Variants in AK9 observed in about 807,000 individuals in gnomAD.
The protein encoded by AK9 is adenylate kinase domain containing 1.
A neutral mutation model predicts 239.6 loss-of-function variants in AK9; 191 were observed. The ratio of observed to expected loss-of-function variants is 0.80; its 90% confidence interval spans 0.71 to 0.90. The LOEUF is 0.90. AK9 is among the 40% of genes least tolerant of loss of function. AK9 has a pLI of 0.00. For synonymous variants in AK9, 689 were observed against 721.0 expected (o/e 0.96, Z 0.71); for missense variants, 1,995 against 2,214.7 (o/e 0.90, Z 1.99).
At chr6:109,674,657 T>C (rs1306815682) in intron 2 of AK9, among the ~76,000 whole-genome samples, 2 of 152,218 alleles carry the variant, frequency 1.3e-5, no homozygotes, top group African/African-American at 4.8e-5. Context: ...TTCCATTTAG[T>C]AATTTTGATG....
rs1249711862 is a variant in AK9 at position 109,632,945 on chromosome 6, A to G, written c.1232T>C (p.Leu411Pro). 5 of 1,613,344 alleles carry G rather than the reference A, an allele frequency of 3.1e-6. No individual in the cohort carries two copies. The highest frequency in any genetic ancestry group is 3.4e-6 in the Non-Finnish European group (4 of 1,179,830). Residue 411 changes from leucine (L) to proline (P), a missense_variant, in exon 12 of 41, where the codon CTT becomes CCT. Leu to Pro is a moderately conservative substitution (Grantham distance 98). Coordinates refer to ENST00000424296, the MANE Select transcript of AK9 (RefSeq NM_001145128.3). ...CACCTTTCCTTTGTAATTTTCTGCA[A>G]GCATATTGCAAAGTGTTGTTTTCCC... ...YSGKTTLCNM[L>P]AENYKGKVVD...
intron 8 of AK9, among the ~76,000 whole-genome samples, chr6:109,645,607 G>A (rs1234552535): frequency 7.1e-6 from 1 of 141,480 alleles, no homozygotes; most frequent in East Asian, 2.2e-4. Context: ...GCCTGCCTCT[G>A]TAGACTCCAC....
chr6:109,628,507 G>T (rs115776268), intron 12 of AK9, among the ~76,000 whole-genome samples: 2 of 152,108 alleles, frequency 1.3e-5, no homozygotes, highest in Admixed American at 6.5e-5. Flanking sequence ...TTCTCTTCCC[G>T]CAGGGATCAC....
intron 17 of AK9, among the ~76,000 whole-genome samples, chr6:109,591,975 T>G (rs1193999878): frequency 1.3e-5 from 2 of 152,106 alleles, no homozygotes; most frequent in Non-Finnish European, 2.9e-5. Flanking sequence ...TAAAAACTGG[T>G]CTTGGAGTTA....
chr6:109,495,169 C>T (rs1776906928), intron 39 of AK9, among the ~76,000 whole-genome samples, 169 bp downstream of exon 39: 1 of 151,794 alleles, frequency 6.6e-6, no homozygotes, highest in African/African-American at 2.4e-5. Context: ...GATTTTCACA[C>T]ATTTTATTTT....
At chr6:109,656,604 G>T in intron 8 of AK9, 152 bp downstream of exon 8, 1 of 776,394 alleles carries the variant, frequency 1.3e-6, no homozygotes, top group Non-Finnish European at 2.0e-6. Context: ...CAGTCTTTGG[G>T]ATGGAGGCCT....
chr6:109,623,892 C>G (rs1795169585), intron 12 of AK9, among the ~76,000 whole-genome samples: 1 of 147,988 alleles, frequency 6.8e-6, no homozygotes, highest in Non-Finnish European at 1.5e-5. Flanking sequence ...CACACACACA[C>G]ACACACACAC....
rs3060763 is a variant in AK9 at position 109,576,420 on chromosome 6, CTT to C, written c.2192-2828_2192-2827del. Among the ~76,000 whole-genome samples, 94 of 103,502 alleles carry C rather than the reference CTT, an allele frequency of 9.1e-4. 3 individuals are homozygous for C. Among genetic ancestry groups the C allele is most frequent in the South Asian group, 3.7e-3 (9 of 2,454 alleles). The allele number at this position is 103,502 out of a possible 152,430, so 67.9% of individuals were successfully genotyped here. ...GGTTAGGTGTATATACATATATATA[CTT>C]TTTTTTTTTTTTTTTGCAGCTGTTG... On this transcript the variant is annotated intron_variant, in intron 20 of 40. Coordinates refer to ENST00000424296, the MANE Select transcript of AK9 (RefSeq NM_001145128.3).
At chr6:109,590,574 T>A (rs1467550160) in intron 17 of AK9, among the ~76,000 whole-genome samples, 1 of 152,162 alleles carries the variant, frequency 6.6e-6, no homozygotes, top group Non-Finnish European at 1.5e-5. Flanking sequence ...TTTGATGTGG[T>A]TTGCTCTTGT....
chr6:109,653,811 G>A lies in AK9; in HGVS notation c.759+2945C>T, dbSNP rs146301186. ...GGCCTCTCAAAGTGTTGGGATTACA[G>A]GCATGAGCCAGCACACCTGGCCTAA... On this transcript the variant is annotated intron_variant, in intron 8 of 40. Coordinates refer to ENST00000424296, the MANE Select transcript of AK9 (RefSeq NM_001145128.3). Among the ~76,000 whole-genome samples, 450 of 152,036 alleles carry A rather than the reference G, an allele frequency of 3.0e-3. 1 individual carries two copies. Among genetic ancestry groups the A allele is most frequent in the African/African-American group, 0.01 (430 of 41,466 alleles).
intron 17 of AK9, among the ~76,000 whole-genome samples, chr6:109,593,558 C>A (rs1790579885): frequency 6.6e-6 from 1 of 151,832 alleles, no homozygotes; most frequent in Non-Finnish European, 1.5e-5. Context: ...AGAGACGTAA[C>A]AACAAAAAAA....
chr6:109,539,036 A>C (rs910756988), intron 27 of AK9, among the ~76,000 whole-genome samples: 2 of 151,844 alleles, frequency 1.3e-5, no homozygotes, highest in African/African-American at 2.4e-5. Context: ...CTGCCCTTAA[A>C]ATTTTCTCCT....
In AK9 at chr6:109,529,025, T is replaced by TA. The variant is rs1277500452; in HGVS notation, c.3618dup (p.Lys1207Ter). On this transcript the variant is annotated frameshift_variant, in exon 29 of 41. Transcript: ENST00000424296. LOFTEE classifies it high-confidence loss of function. ...AAACTACTTACCTCCCTCCTTTTTT[T>TA]ATCTCTCTCTAATATAAGTTCAGCC... The TA allele has an allele frequency of 1.9e-6, 3 of 1,604,132 alleles. No homozygotes were observed. The highest frequency in any genetic ancestry group is 2.7e-5 in the African/African-American group (2 of 74,500).
chr6:109,635,415 A>G (rs1203247845), intron 10 of AK9, among the ~76,000 whole-genome samples: 3 of 152,128 alleles, frequency 2.0e-5, no homozygotes, highest in Non-Finnish European at 4.4e-5. Flanking sequence ...AGAGCAGAAA[A>G]CAGTGTAACT....
intron 17 of AK9, among the ~76,000 whole-genome samples, chr6:109,602,443 G>T (rs995613103): frequency 2.0e-5 from 3 of 152,138 alleles, no homozygotes; most frequent in African/African-American, 7.2e-5. Context: ...CGAGAGATCC[G>T]CTGTTAGTCT....
intron 24 of AK9, among the ~76,000 whole-genome samples, chr6:109,554,452 C>A (rs1784720688): frequency 6.7e-6 from 1 of 149,810 alleles, no homozygotes; most frequent in Admixed American, 6.7e-5. Context: ...GGAATTTATT[C>A]ATTTCTTCTA....
intron 27 of AK9, among the ~76,000 whole-genome samples, chr6:109,538,706 A>T (rs1196627207): frequency 6.6e-6 from 1 of 151,930 alleles, no homozygotes; most frequent in South Asian, 2.1e-4. Context: ...AGCATCAATG[A>T]TCTTTACAAT....
At chr6:109,521,306 C>T (rs1480957734) in intron 29 of AK9, among the ~76,000 whole-genome samples, 4 of 152,066 alleles carry the variant, frequency 2.6e-5, no homozygotes, top group African/African-American at 4.8e-5. Context: ...AGGAATTTAG[C>T]TAACTTACAT....
At chr6:109,559,586 C>G (rs1785481553) in intron 24 of AK9, among the ~76,000 whole-genome samples, 1 of 152,160 alleles carries the variant, frequency 6.6e-6, no homozygotes, top group African/African-American at 2.4e-5. Flanking sequence ...ATTACATATT[C>G]TTGATCCTAT....
Sources: allele counts gnomAD v4.1 joint callset (sites outside exome capture counted in the v4.1 genomes callset), GRCh38; gene constraint gnomAD v4.1.1; transcripts MANE v1.5; gene names NCBI Gene and HGNC (gene_info 2026-07-23, HGNC 2026-07-21).